AKAP13: variants seen among roughly 807,000 people sequenced by gnomAD.
AKAP13 encodes the protein A-kinase anchor protein 13.
Under a neutral mutation model 264.5 loss-of-function variants are expected in AKAP13, and 80 were observed. That is an observed-to-expected ratio of 0.30 (90% CI 0.25 to 0.36). The LOEUF is 0.36. AKAP13 is among the 10% of genes least tolerant of loss of function. The probability of loss-of-function intolerance (pLI) is 1.00; values close to 1 mark genes in which losing one functional copy is unlikely to be tolerated. For missense variants in AKAP13, 3,712 were observed against 3,435.2 expected, an observed-to-expected ratio of 1.08 and a Z score of -2.01; for synonymous variants, 1,380 against 1,250.2, an observed-to-expected ratio of 1.10 and a Z score of -2.19.
intron 1 of AKAP13, among the ~76,000 whole-genome samples, chr15:85,455,015 T>C (rs7178591): frequency 0.28 from 43,026 of 152,030 alleles, 8,552 homozygotes; most frequent in African/African-American, 0.55. Context: ...ATTTGGGAGT[T>C]TCAGTGAAGG....
At chr15:85,498,937 T>G (rs1295742686) in intron 2 of AKAP13, among the ~76,000 whole-genome samples, 2 of 152,222 alleles carry the variant, frequency 1.3e-5, no homozygotes. Flanking sequence ...CTCCAAAGTT[T>G]AAGCATATAA....
intron 8 of AKAP13, among the ~76,000 whole-genome samples, chr15:85,611,272 C>A (rs1300732380): frequency 6.6e-6 from 1 of 152,164 alleles, no homozygotes; most frequent in Non-Finnish European, 1.5e-5. Flanking sequence ...GTTCCAGTCA[C>A]ACACTTTCAA....
chr15:85,575,950 C>G (rs1026724), intron 6 of AKAP13, among the ~76,000 whole-genome samples: 1 of 152,040 alleles, frequency 6.6e-6, no homozygotes, highest in African/African-American at 2.4e-5. Flanking sequence ...GACACCACTG[C>G]ACTCCTGCCG....
At chr15:85,422,794 T>A (rs1159950821) in intron 1 of AKAP13, among the ~76,000 whole-genome samples, 1 of 138,528 alleles carries the variant, frequency 7.2e-6, no homozygotes, top group African/African-American at 2.4e-5. Context: ...CTTATTAATA[T>A]GATATTTTCT....
intron 8 of AKAP13, among the ~76,000 whole-genome samples, chr15:85,627,331 C>T (rs1373032847): frequency 6.6e-6 from 1 of 151,910 alleles, no homozygotes; most frequent in Non-Finnish European, 1.5e-5. Context: ...GATCTTTGAC[C>T]TGTTTTTCTC....
At chr15:85,471,042 T>A (rs1003408602) in intron 1 of AKAP13, among the ~76,000 whole-genome samples, 2 of 152,222 alleles carry the variant, frequency 1.3e-5, no homozygotes, top group African/African-American at 4.8e-5. Flanking sequence ...TGGCCTCTTG[T>A]TGCCAGCCTG....
intron 1 of AKAP13, among the ~76,000 whole-genome samples, chr15:85,415,795 A>G (rs1245664974): frequency 6.6e-6 from 1 of 150,608 alleles, no homozygotes; most frequent in African/African-American, 2.5e-5. Flanking sequence ...AGTGTGTTGG[A>G]TTAATTAGGA....
At chr15:85,561,499 A>G (rs946791832) in intron 5 of AKAP13, among the ~76,000 whole-genome samples, 1 of 152,240 alleles carries the variant, frequency 6.6e-6, no homozygotes, top group African/African-American at 2.4e-5. Flanking sequence ...CTTAAATCTG[A>G]TTCAGTAAGA....
At chr15:85,451,864 A>G (rs2074103954) in intron 1 of AKAP13, among the ~76,000 whole-genome samples, 1 of 152,220 alleles carries the variant, frequency 6.6e-6, no homozygotes, top group Non-Finnish European at 1.5e-5. Flanking sequence ...CTTCATGTGT[A>G]GAATATTGCA....
chr15:85,568,328 G>A (rs1260620145), intron 5 of AKAP13, among the ~76,000 whole-genome samples: 1 of 151,880 alleles, frequency 6.6e-6, no homozygotes, highest in Non-Finnish European at 1.5e-5. Context: ...TCACAAGAGA[G>A]TAATATAATA....
At chr15:85,514,128 A>G (rs2151131725) in intron 2 of AKAP13, among the ~76,000 whole-genome samples, 1 of 137,576 alleles carries the variant, frequency 7.3e-6, no homozygotes, top group East Asian at 2.1e-4. Context: ...GCATTCATTG[A>G]TAACTTTTTG....
chr15:85,702,413 G>A (rs2085981111), intron 17 of AKAP13: 1 of 152,196 alleles, frequency 6.6e-6, no homozygotes, highest in Non-Finnish European at 1.5e-5. Flanking sequence ...ATCTTGGCAG[G>A]AAGTAGAAAA....
intron 1 of AKAP13, among the ~76,000 whole-genome samples, chr15:85,468,224 A>G (rs546352086): frequency 3.1e-4 from 47 of 152,272 alleles, no homozygotes; most frequent in African/African-American, 9.4e-4. Context: ...CTGGCCCTCA[A>G]TTTGCATTAC....
At chr15:85,460,308 C>T (rs1486385686) in intron 1 of AKAP13, among the ~76,000 whole-genome samples, 6 of 152,174 alleles carry the variant, frequency 3.9e-5, no homozygotes, top group Non-Finnish European at 8.8e-5. Flanking sequence ...TTTGTACAGG[C>T]TGTTTATTCT....
intron 16 of AKAP13, among the ~76,000 whole-genome samples, chr15:85,688,766 T>A (rs1167511357): frequency 6.6e-6 from 1 of 152,234 alleles, no homozygotes; most frequent in Non-Finnish European, 1.5e-5. Context: ...TTGAGAATTA[T>A]CACCGACTGG....
intron 1 of AKAP13, among the ~76,000 whole-genome samples, chr15:85,484,667 C>T (rs999555573): frequency 6.6e-6 from 1 of 152,170 alleles, no homozygotes; most frequent in Non-Finnish European, 1.5e-5. Context: ...ACATACACAA[C>T]TTGATCTGTG....
chr15:85,385,730 G>C (rs1023900761), intron 1 of AKAP13, among the ~76,000 whole-genome samples: 5 of 152,012 alleles, frequency 3.3e-5, no homozygotes, highest in African/African-American at 9.7e-5. Context: ...AAAATCTTTT[G>C]CTTAAAAAAT....
chr15:85,734,280 A>G (rs887240676), intron 30 of AKAP13, among the ~76,000 whole-genome samples: 11 of 152,276 alleles, frequency 7.2e-5, no homozygotes, highest in African/African-American at 2.4e-4. Flanking sequence ...TTTGACTTCA[A>G]TATTTTCTAT....
chr15:85,707,814 T>C (rs1365011048), intron 17 of AKAP13, among the ~76,000 whole-genome samples: 3 of 146,740 alleles, frequency 2.0e-5, no homozygotes, highest in Admixed American at 6.8e-5. Flanking sequence ...AAAAAAAAAA[T>C]CACATCTGCT....
Sources: allele counts gnomAD v4.1 joint callset (sites outside exome capture counted in the v4.1 genomes callset), GRCh38; gene constraint gnomAD v4.1.1; transcripts MANE v1.5; gene names NCBI Gene and HGNC (gene_info 2026-07-23, HGNC 2026-07-21).